Variants in MAP3K8 observed in about 807,000 individuals in gnomAD.
The protein encoded by MAP3K8 is mitogen-activated protein kinase kinase kinase 8.
A neutral mutation model predicts 45.8 loss-of-function variants in MAP3K8; 22 were observed. The observed-to-expected ratio is 0.48, with a 90% CI of 0.34 to 0.69. The LOEUF (loss-of-function observed/expected upper bound fraction) is 0.69, where lower values mean the gene tolerates loss of function less well. MAP3K8 is among the 30% of genes least tolerant of loss of function. MAP3K8 has a pLI of 0.01. For missense variants in MAP3K8, 419 were observed against 585.0 expected, an observed-to-expected ratio of 0.72 and a Z score of 2.93; for synonymous variants, 223 against 214.3, an observed-to-expected ratio of 1.04 and a Z score of -0.36.
chr10:30,440,390 A>G (rs1836059737), intron 3 of MAP3K8, among the ~76,000 whole-genome samples: 1 of 152,232 alleles, frequency 6.6e-6, no homozygotes, highest in Non-Finnish European at 1.5e-5. Context: ...ATGAGTGCGG[A>G]GTCCAGAAAA....
At position 30,458,045 on chromosome 10, in the gene MAP3K8, G is replaced by A. The variant is rs776115003; in HGVS notation, c.874-39G>A. ...TAGGGAAATGGAAACCCACACAAAG[G>A]AGGGGAATGAAGCTGAATGTTTCCC... On this transcript the variant is annotated intron_variant, in intron 6 of 8. Transcript: ENST00000263056. 2.1e-6 allele frequency: 3 copies of A among 1,411,594 alleles called. No homozygotes were observed. In the African/African-American group the frequency reaches 4.4e-5, roughly 21 times the overall value. The allele number at this position is 1,411,594 out of a possible 1,614,324, so 87.4% of individuals were successfully genotyped here.
intron 6 of MAP3K8, among the ~76,000 whole-genome samples, chr10:30,453,161 A>T (rs1241786474): frequency 6.6e-6 from 1 of 152,198 alleles, no homozygotes; most frequent in African/African-American, 2.4e-5. Flanking sequence ...TCACTCAGTG[A>T]CAGACCCTGG....
intron 3 of MAP3K8, among the ~76,000 whole-genome samples, chr10:30,439,904 G>A (rs544479604): frequency 4.6e-5 from 7 of 152,322 alleles, no homozygotes; most frequent in South Asian, 2.1e-4. Flanking sequence ...AGACTCCTTC[G>A]TCTGAGAGGG....
intron 5 of MAP3K8, 90 bp downstream of exon 5, chr10:30,450,609 C>A: frequency 8.1e-7 from 1 of 1,229,686 alleles, no homozygotes; most frequent in Non-Finnish European, 1.2e-6. Context: ...TGAAGACCCT[C>A]CATGGAGGGT....
At chr10:30,458,725 A>T in intron 7 of MAP3K8, among the ~76,000 whole-genome samples, 1 of 152,204 alleles carries the variant, frequency 6.6e-6, no homozygotes, top group Admixed American at 6.5e-5. Flanking sequence ...ATTCAAACCT[A>T]TCACTTATCT....
At chr10:30,439,492 A>G in intron 3 of MAP3K8, 7 of 1,010,888 alleles carry the variant, frequency 6.9e-6, no homozygotes, top group Middle Eastern at 2.6e-4. Context: ...TTTTAGTAGT[A>G]TTTCTACAAA....
intron 6 of MAP3K8, among the ~76,000 whole-genome samples, chr10:30,457,165 A>G (rs1484373846): frequency 6.6e-6 from 1 of 152,084 alleles, no homozygotes; most frequent in Non-Finnish European, 1.5e-5. Context: ...TCTTAAGTTT[A>G]GAAATAAATG....
At chr10:30,444,105 A>G (rs303437) in intron 3 of MAP3K8, among the ~76,000 whole-genome samples, 102,103 of 151,604 alleles carry the variant, frequency 0.67, 35,321 homozygotes, top group African/African-American at 0.81. Flanking sequence ...TGGGAGGATC[A>G]CTTGAGTCTG....
chr10:30,453,830 C>G (rs532947071), intron 6 of MAP3K8, among the ~76,000 whole-genome samples: 1 of 143,482 alleles, frequency 7.0e-6, no homozygotes, highest in South Asian at 2.2e-4. Context: ...CCTGGGGGTT[C>G]GAGACCAGCC....
chr10:30,449,336 C>T (rs1836455730), intron 4 of MAP3K8, among the ~76,000 whole-genome samples: 2 of 152,128 alleles, frequency 1.3e-5, no homozygotes, highest in Non-Finnish European at 1.5e-5. Flanking sequence ...CCTCTGTCTC[C>T]CGGGTTCAAG....
intron 3 of MAP3K8, among the ~76,000 whole-genome samples, chr10:30,446,338 C>T: frequency 6.6e-6 from 1 of 152,098 alleles, no homozygotes; most frequent in Non-Finnish European, 1.5e-5. Flanking sequence ...AGTTTGAGAC[C>T]AGCCTGGCCA....
intron 4 of MAP3K8, among the ~76,000 whole-genome samples, chr10:30,449,308 A>G (rs1427518738): frequency 6.6e-6 from 1 of 152,054 alleles, no homozygotes; most frequent in South Asian, 2.1e-4. Context: ...GTAGTGGCGC[A>G]ATCTTGGCTC....
In MAP3K8 at chr10:30,439,126, T is replaced by C. The variant is rs916277317; in HGVS notation, c.188T>C (p.Leu63Pro). 2.5e-6 allele frequency: 4 copies of C among 1,614,252 alleles called. No individual in the cohort carries two copies. Among genetic ancestry groups the C allele is most frequent in the South Asian group, 2.2e-5 (2 of 91,088 alleles). The change falls in exon 3 of 9, where the codon CTG (leucine) becomes CCG (proline). Residue 63 changes from leucine (L) to proline (P), a missense_variant. Physicochemically the swap from Leu to Pro is moderately conservative, Grantham distance 98. This residue lies in a region of MAP3K8 where 102 missense variants were observed against 93.5 expected (regional missense o/e 1.09). Transcript: ENST00000263056. ...SNQNDERSKS[L>P]LLSGQEVPWL... ...CAAAACGATGAGCGTTCTAAGTCTC[T>C]GCTGCTTAGTGGCCAAGAGGTACCA...
chr10:30,460,538 G>C (rs747058843), intron 8 of MAP3K8, among the ~76,000 whole-genome samples, 168 bp from the exon 9 acceptor site: 1 of 152,070 alleles, frequency 6.6e-6, no homozygotes, highest in East Asian at 1.9e-4. Flanking sequence ...TGAACTTTTT[G>C]TTCTATGTCA....
At chr10:30,436,570 T>C (rs1835915310) in intron 1 of MAP3K8, among the ~76,000 whole-genome samples, 1 of 152,034 alleles carries the variant, frequency 6.6e-6, no homozygotes, top group African/African-American at 2.4e-5. Context: ...TTCTGCAGGG[T>C]TTAAAAACTA....
At chr10:30,444,094 A>T (rs1836220684) in intron 3 of MAP3K8, among the ~76,000 whole-genome samples, 1 of 151,852 alleles carries the variant, frequency 6.6e-6, no homozygotes, top group African/African-American at 2.4e-5. Flanking sequence ...GGAGGCCGAG[A>T]TGGGAGGATC....
Position 30,461,730 on chromosome 10 carries a change from G to A in MAP3K8, c.*894G>A, listed in dbSNP as rs1221184594. 1 of 184,306 alleles carries A rather than the reference G, an allele frequency of 5.4e-6. No homozygotes were observed. Among genetic ancestry groups the A allele is most frequent in the Non-Finnish European group, 1.1e-5 (1 of 87,032 alleles). The allele number at this position is 184,306 out of a possible 1,614,324, so 11.4% of individuals were successfully genotyped here. A position where few individuals can be genotyped will look rare whatever the true frequency, so the allele number is the denominator to read the frequency against. ...ATTTGTAACATTGTAAAGTATGTGA[G>A]TAGTCTTATGTAAAGTATGTTTTTA... On this transcript the variant is annotated 3_prime_UTR_variant, in exon 9 of 9. Coordinates refer to ENST00000263056, the MANE Select transcript of MAP3K8 (RefSeq NM_005204.4).
At chr10:30,442,224 T>C (rs1313669156) in intron 3 of MAP3K8, among the ~76,000 whole-genome samples, 2 of 152,248 alleles carry the variant, frequency 1.3e-5, no homozygotes, top group African/African-American at 4.8e-5. Context: ...CACGTGTGCA[T>C]GCTGTTTGCT....
intron 6 of MAP3K8, among the ~76,000 whole-genome samples, chr10:30,452,497 G>C (rs1263838868): frequency 6.6e-6 from 1 of 151,792 alleles, no homozygotes; most frequent in African/African-American, 2.4e-5. Context: ...GCTCAGTGTG[G>C]TGGTACACGC....
Sources: gnomAD v4.1 joint callset for allele counts (sites outside exome capture counted in the v4.1 genomes callset) on GRCh38, gnomAD v4.1.1 for gene constraint, gnomAD v4.1.1 regional missense constraint, MANE v1.5 for transcripts, NCBI Gene and HGNC (gene_info 2026-07-23, HGNC 2026-07-21) for gene names.